RAB4B: variants seen among roughly 807,000 people sequenced by gnomAD.
RAB4B encodes RAB4B, member RAS oncogene family, also known as ras-related protein Rab-4B.
A neutral mutation model predicts 28.3 loss-of-function variants in RAB4B; 15 were observed. The ratio of observed to expected loss-of-function variants is 0.53; its 90% CI spans 0.35 to 0.82. RAB4B has a LOEUF of 0.82. RAB4B is among the 40% of genes least tolerant of loss of function. The pLI, the probability that RAB4B is intolerant of heterozygous loss-of-function variation, is 0.01. For missense variants in RAB4B, 244 were observed against 288.5 expected (o/e 0.85, Z 1.12); for synonymous variants, 108 against 116.3 (o/e 0.93, Z 0.46).
intron 7 of RAB4B, among the ~76,000 whole-genome samples, chr19:40,788,182 G>C (rs989138197): frequency 3.3e-5 from 5 of 151,934 alleles, no homozygotes; most frequent in Admixed American, 2.6e-4. Flanking sequence ...ATTCTCTTTG[G>C]GGGAGACAGG....
intron 1 of RAB4B, among the ~76,000 whole-genome samples, chr19:40,778,813 G>A (rs573471394): frequency 6.6e-6 from 1 of 152,188 alleles, no homozygotes; most frequent in Middle Eastern, 3.4e-3. Flanking sequence ...GAATGGGTTT[G>A]GGGATGGGCT....
At chr19:40,794,561 T>C in intron 7 of RAB4B, 1 of 151,890 alleles carries the variant, frequency 6.6e-6, no homozygotes, top group Non-Finnish European at 1.5e-5. Flanking sequence ...TTATATATGA[T>C]GCACTCTGGT....
chr19:40,791,403 C>T (rs1415848551), intron 7 of RAB4B, among the ~76,000 whole-genome samples: 1 of 152,132 alleles, frequency 6.6e-6, no homozygotes. Context: ...CACAAATGAA[C>T]TCCTCAGCCT....
intron 5 of RAB4B, among the ~76,000 whole-genome samples, chr19:40,784,338 A>T (rs972476294): frequency 5.9e-5 from 9 of 152,078 alleles, no homozygotes. Flanking sequence ...TAAAAAATTT[A>T]AAAAATTAGC....
At chr19:40,788,480 TTAAAA>T (rs2083123923) in intron 7 of RAB4B, among the ~76,000 whole-genome samples, 2 of 76,108 alleles carry the variant, frequency 2.6e-5, no homozygotes, top group African/African-American at 6.0e-5. Context: ...AGCGAGACTC[TTAAAA>T]AAAAAAAAAA....
chr19:40,778,309 G>T lies in RAB4B; in HGVS notation c.-67G>T. On this transcript the variant is annotated 5_prime_UTR_variant, in exon 1 of 8. Transcript: ENST00000357052. ...CCGGGGCTGTAGCCGGAGTGGAGCGGCTGCCAGCCGAGGAGCAGGCGCGGC... is the reference window on the plus strand; with the variant it reads ...CCGGGGCTGTAGCCGGAGTGGAGCGTCTGCCAGCCGAGGAGCAGGCGCGGC... The T allele has an allele frequency of 1.4e-6, 2 of 1,457,828 alleles. No homozygotes were observed. Among genetic ancestry groups the T allele is most frequent in the Non-Finnish European group, 1.8e-6 (2 of 1,100,718 alleles). The allele number at this position is 1,457,828 out of a possible 1,614,324, so 90.3% of individuals were successfully genotyped here. A position where few individuals can be genotyped will look rare whatever the true frequency, so the allele number is the denominator to read the frequency against.
intron 7 of RAB4B, among the ~76,000 whole-genome samples, chr19:40,788,201 A>T (rs1388493073): frequency 2.0e-5 from 3 of 151,696 alleles, no homozygotes; most frequent in Non-Finnish European, 4.4e-5. Flanking sequence ...GGTGATAAAC[A>T]AGAGATGTAA....
At position 40,783,991 on chromosome 19, in the gene RAB4B, G is replaced by C; in HGVS notation, c.346G>C (p.Val116Leu). The C allele has an allele frequency of 1.9e-6, 3 of 1,614,172 alleles. No homozygotes were observed. The highest frequency in any genetic ancestry group is 1.7e-6 in the Non-Finnish European group (2 of 1,180,006). The change falls in exon 5 of 8, where the codon GTC (valine) becomes CTC (leucine). Residue 116 changes from valine to leucine, a missense_variant. By Grantham distance (32) the Val-to-Leu change is conservative (BLOSUM62 1). Transcript: ENST00000357052. ...CACCCTGGCCAGCCCCAACATCGTG[G>C]TCATCCTCTGTGGCAACAAGAAGGA... ...ARTLASPNIV[V>L]ILCGNKKDLD...
At chr19:40,787,841 A>G (rs530770518) in intron 7 of RAB4B, among the ~76,000 whole-genome samples, 1 of 151,836 alleles carries the variant, frequency 6.6e-6, no homozygotes, top group Admixed American at 6.6e-5. Context: ...ACATGCCTAT[A>G]GTCCCAGCTA....
In RAB4B at chr19:40,786,406, A is replaced by C. The variant is rs558262736; in HGVS notation, c.431-259A>C. 1.6e-5 allele frequency: 7 copies of C among 451,400 alleles called. No homozygotes were observed. The East Asian group carries it at 3.4e-4, about 22-fold the overall frequency. 28.0% of individuals were successfully genotyped at this position (451,400 alleles called of 1,614,324 possible). ...GCCACAAGAAGCTGTGGGAGCCCTAAGTCGGTACCTGACTCAGCCCAGGAA... is the reference window on the plus strand; with the variant it reads ...GCCACAAGAAGCTGTGGGAGCCCTACGTCGGTACCTGACTCAGCCCAGGAA... On this transcript the variant is annotated intron_variant, in intron 5 of 7. Transcript: ENST00000357052.
chr19:40,789,413 G>T (rs1365228226), intron 7 of RAB4B, among the ~76,000 whole-genome samples: 5 of 150,604 alleles, frequency 3.3e-5, no homozygotes, highest in Non-Finnish European at 7.4e-5. Flanking sequence ...TGTTGGTCAG[G>T]CTGGTCTGGA....
At chr19:40,787,301 G>A (rs994281557) in intron 7 of RAB4B, among the ~76,000 whole-genome samples, 1 of 152,122 alleles carries the variant, frequency 6.6e-6, no homozygotes, top group Non-Finnish European at 1.5e-5. Context: ...TTGGAAGGCC[G>A]AGGCGGGCGG....
intron 3 of RAB4B, among the ~76,000 whole-genome samples, chr19:40,781,597 C>G (rs1196506818): frequency 1.3e-5 from 2 of 151,814 alleles, no homozygotes; most frequent in African/African-American, 2.4e-5. Context: ...TTGTGAAATC[C>G]CATCTTTCCA....
Position 40,786,426 on chromosome 19 carries a change from C to T in RAB4B, c.431-239C>T, listed in dbSNP as rs540674468. ...CCCTAAGTCGGTACCTGACTCAGCC[C>T]AGGAAGTCAGGGAGGACTTCTTGGA... On this transcript the variant is annotated intron_variant, in intron 5 of 7. Transcript: ENST00000357052. The T allele has an allele frequency of 1.0e-4, 54 of 515,598 alleles. No homozygotes were observed. The South Asian group carries it at 1.1e-3, about 10-fold the overall frequency. The allele number at this position is 515,598 out of a possible 1,614,324, so 31.9% of individuals were successfully genotyped here. A position where few individuals can be genotyped will look rare whatever the true frequency, so the allele number is the denominator to read the frequency against.
chr19:40,780,156 G>T lies in RAB4B; in HGVS notation c.97+57G>T, dbSNP rs1395267769. On this transcript the variant is annotated intron_variant, in intron 2 of 7. Coordinates refer to ENST00000357052, the MANE Select transcript of RAB4B (RefSeq NM_016154.5). ...GAGCTGTGTTTATGCGCATGGTGTG[G>T]GCTGGTGGGCAGCCGGTGGGGAGGG... The T allele has an allele frequency of 1.2e-5, 19 of 1,599,058 alleles. No individual in the cohort carries two copies. The Admixed American group carries it at 3.2e-4, about 27-fold the overall frequency.
intron 7 of RAB4B, among the ~76,000 whole-genome samples, chr19:40,787,295 A>C (rs1388379690): frequency 1.3e-5 from 2 of 150,872 alleles, no homozygotes; most frequent in Non-Finnish European, 3.0e-5. Flanking sequence ...TGTACTTTGG[A>C]AGGCCGAGGC....
At position 40,780,238 on chromosome 19, in the gene RAB4B, A is replaced by G; in HGVS notation, c.97+139A>G. The G allele has an allele frequency of 4.8e-6, 7 of 1,458,130 alleles. No individual in the cohort carries two copies. The South Asian group carries it at 5.4e-5, about 11-fold the overall frequency. 90.3% of individuals were successfully genotyped at this position (1,458,130 alleles called of 1,614,324 possible). On this transcript the variant is annotated intron_variant, in intron 2 of 7. Transcript: ENST00000357052. ...GGCTTTTTGGTCCTTGCTTTGTCGT[A>G]TGTCCTTTACTAGGTTCTCCTTGAC...
intron 7 of RAB4B, among the ~76,000 whole-genome samples, chr19:40,796,027 T>A (rs1382567480): frequency 6.6e-6 from 1 of 152,132 alleles, no homozygotes; most frequent in African/African-American, 2.4e-5. Context: ...TTTGAGACAG[T>A]CTCACTCTGT....
chr19:40,783,798 A>T lies in RAB4B; in HGVS notation c.233A>T (p.Tyr78Phe), dbSNP rs2083073052. 2.2e-6 allele frequency: 3 copies of T among 1,358,814 alleles called. No homozygotes were observed. In the African/African-American group the frequency reaches 4.7e-5, roughly 21 times the overall value. The allele number at this position is 1,358,814 out of a possible 1,614,324, so 84.2% of individuals were successfully genotyped here. ...CACAGGTCAGTGACGCGGAGTTATT[A>T]CCGAGGGGCGGCTGGAGCCCTGCTG... ...ERFRSVTRSYYRGAAGALLVY... is the reference protein window; with the variant it reads ...ERFRSVTRSYFRGAAGALLVY... The change falls in exon 4 of 8, where the codon TAC (tyrosine) becomes TTC (phenylalanine). Residue 78 changes from tyrosine to phenylalanine, a missense_variant. Tyr to Phe is a conservative substitution (Grantham distance 22). Transcript: ENST00000357052.
Sources: allele counts gnomAD v4.1 joint callset (sites outside exome capture counted in the v4.1 genomes callset), GRCh38; gene constraint gnomAD v4.1.1; transcripts MANE v1.5; gene names NCBI Gene and HGNC (gene_info 2026-07-23, HGNC 2026-07-21).